GABRB1: variants seen among roughly 807,000 people sequenced by gnomAD.
The protein encoded by GABRB1 is gamma-aminobutyric acid receptor subunit beta-1.
Under a neutral mutation model 51.6 loss-of-function variants are expected in GABRB1, and 17 were observed. The ratio of observed to expected loss-of-function variants is 0.33; its 90% CI spans 0.23 to 0.49. The LOEUF (loss-of-function observed/expected upper bound fraction) is 0.49. Among genes scored for constraint, GABRB1 ranks in the 20% least tolerant of loss-of-function variants. GABRB1 has a pLI of 0.99. For synonymous variants in GABRB1, 247 were observed against 218.9 expected, an observed-to-expected ratio of 1.13 and a Z score of -1.14; for missense variants, 410 against 600.6, an observed-to-expected ratio of 0.68 and a Z score of 3.32.
chr4:47,326,723 C>T (rs1725275296), intron 5 of GABRB1, among the ~76,000 whole-genome samples: 1 of 152,114 alleles, frequency 6.6e-6, no homozygotes, highest in Non-Finnish European at 1.5e-5. Flanking sequence ...AGAAAGTGAG[C>T]CCTCACCAGA....
chr4:47,362,663 T>C (rs193108908), intron 5 of GABRB1, among the ~76,000 whole-genome samples: 3 of 152,278 alleles, frequency 2.0e-5, no homozygotes, highest in Admixed American at 6.5e-5. Context: ...AGGGTGCCTA[T>C]AGAGGTTTAA....
chr4:47,022,005 T>G (rs1263599223), intron 1 of GABRB1, among the ~76,000 whole-genome samples: 1 of 152,122 alleles, frequency 6.6e-6, no homozygotes, highest in East Asian at 1.9e-4. Flanking sequence ...CTTCTTTCTG[T>G]TTCATCAAAA....
intron 4 of GABRB1, among the ~76,000 whole-genome samples, chr4:47,174,689 G>A (rs1056881851): frequency 1.1e-4 from 16 of 151,794 alleles, no homozygotes; most frequent in Admixed American, 4.6e-4. Flanking sequence ...GGTATTTTTC[G>A]CTTACTATGG....
At chr4:47,044,305 A>C (rs1308434137) in intron 3 of GABRB1, among the ~76,000 whole-genome samples, 2 of 152,032 alleles carry the variant, frequency 1.3e-5, no homozygotes, top group East Asian at 1.9e-4. Flanking sequence ...ATACACCAAC[A>C]ATCTTTTAAG....
intron 4 of GABRB1, among the ~76,000 whole-genome samples, chr4:47,205,160 C>CT (rs1190161243): frequency 6.6e-6 from 1 of 152,130 alleles, no homozygotes; most frequent in Non-Finnish European, 1.5e-5. Flanking sequence ...AATTCTAAGG[C>CT]TTAACCTCCA....
At chr4:47,336,369 C>A (rs1725696372) in intron 5 of GABRB1, among the ~76,000 whole-genome samples, 1 of 152,160 alleles carries the variant, frequency 6.6e-6, no homozygotes, top group African/African-American at 2.4e-5. Context: ...AAAACACAAG[C>A]ATGGCAATGA....
chr4:47,196,925 G>T (rs531073529), intron 4 of GABRB1, among the ~76,000 whole-genome samples: 1 of 152,154 alleles, frequency 6.6e-6, no homozygotes, highest in East Asian at 1.9e-4. Context: ...CTCCTTGAAG[G>T]CAGTGCTCAA....
intron 4 of GABRB1, among the ~76,000 whole-genome samples, chr4:47,274,405 C>G (rs1458481831): frequency 6.6e-6 from 1 of 152,136 alleles, no homozygotes; most frequent in African/African-American, 2.4e-5. Context: ...TTATTATCCT[C>G]CCTCTGGAAT....
intron 4 of GABRB1, among the ~76,000 whole-genome samples, chr4:47,255,175 T>C (rs1013327545): frequency 5.3e-5 from 8 of 152,228 alleles, no homozygotes; most frequent in Non-Finnish European, 1.0e-4. Context: ...GCTAGATTCG[T>C]AATCCTGAAT....
chr4:47,078,499 C>G (rs12510301), intron 3 of GABRB1, among the ~76,000 whole-genome samples: 4,948 of 152,130 alleles, frequency 0.033, 388 homozygotes, highest in East Asian at 0.17. Context: ...AAACATCATC[C>G]CTAAGCAAGG....
chr4:47,360,564 A>G (rs1021318164), intron 5 of GABRB1, among the ~76,000 whole-genome samples: 1 of 152,102 alleles, frequency 6.6e-6, no homozygotes, highest in African/African-American at 2.4e-5. Flanking sequence ...CTTGTTTCAA[A>G]GGTATTTTCT....
chr4:47,417,662 G>A (rs760776614), intron 8 of GABRB1, among the ~76,000 whole-genome samples: 16 of 152,148 alleles, frequency 1.1e-4, no homozygotes, highest in Non-Finnish European at 1.9e-4. Flanking sequence ...TAGGCTTCTT[G>A]AGGACAGTGA....
intron 5 of GABRB1, among the ~76,000 whole-genome samples, chr4:47,320,569 T>C (rs1209784036): frequency 1.3e-5 from 2 of 152,188 alleles, no homozygotes; most frequent in South Asian, 2.1e-4. Flanking sequence ...ACCTAAACTA[T>C]TGTAAATTGT....
chr4:47,329,144 A>G (rs1452897797), intron 5 of GABRB1, among the ~76,000 whole-genome samples: 1 of 152,088 alleles, frequency 6.6e-6, no homozygotes, highest in Non-Finnish European at 1.5e-5. Context: ...CATCTGGAGA[A>G]TTAAGTCCAG....
chr4:47,089,635 A>T (rs180685942), intron 3 of GABRB1, among the ~76,000 whole-genome samples: 1 of 152,240 alleles, frequency 6.6e-6, no homozygotes, highest in African/African-American at 2.4e-5. Flanking sequence ...AAACAAAAAT[A>T]AATTTAAGAA....
chr4:47,157,408 T>C (rs1314820484), intron 3 of GABRB1, among the ~76,000 whole-genome samples: 1 of 152,180 alleles, frequency 6.6e-6, no homozygotes, highest in Non-Finnish European at 1.5e-5. Flanking sequence ...CTTTCTTTTC[T>C]ACCTAAAAAT....
chr4:47,340,076 A>T (rs531391529), intron 5 of GABRB1, among the ~76,000 whole-genome samples: 1 of 152,330 alleles, frequency 6.6e-6, no homozygotes, highest in African/African-American at 2.4e-5. Flanking sequence ...TCAAGAAAAC[A>T]GAAGAGTCAC....
chr4:47,105,916 A>C (rs1232587839), intron 3 of GABRB1, among the ~76,000 whole-genome samples: 1 of 152,052 alleles, frequency 6.6e-6, no homozygotes, highest in Admixed American at 6.6e-5. Context: ...ATTTTAGTTG[A>C]GTTTTGAAAA....
chr4:47,137,233 T>G (rs535135785), intron 3 of GABRB1, among the ~76,000 whole-genome samples: 40 of 152,150 alleles, frequency 2.6e-4, no homozygotes, highest in South Asian at 6.2e-4. Flanking sequence ...GGATCAGAGC[T>G]GCAGTAGAAG....
Sources: gnomAD v4.1 joint callset for allele counts (sites outside exome capture counted in the v4.1 genomes callset) on GRCh38, gnomAD v4.1.1 for gene constraint, MANE v1.5 for transcripts, NCBI Gene and HGNC (gene_info 2026-07-23, HGNC 2026-07-21) for gene names.